The following EFR3B variants were observed in gnomAD, a reference collection of about 807,000 sequenced individuals.
EFR3B encodes the protein protein EFR3 homolog B.
In EFR3B, 64 loss-of-function variants were observed where a neutral mutation model predicts 104.7. The ratio of observed to expected loss-of-function variants is 0.61; its 90% CI spans 0.50 to 0.75. The LOEUF is 0.75. Among genes scored for constraint, EFR3B ranks in the 30% least tolerant of loss-of-function variants. The pLI is 0.00. For missense variants in EFR3B, 750 were observed against 1,078.5 expected, an observed-to-expected ratio of 0.70 and a Z score of 4.27; for synonymous variants, 385 against 417.9, an observed-to-expected ratio of 0.92 and a Z score of 0.96.
intron 1 of EFR3B, among the ~76,000 whole-genome samples, chr2:25,053,609 A>C (rs1667941174): frequency 6.6e-6 from 1 of 152,158 alleles, no homozygotes; most frequent in Non-Finnish European, 1.5e-5. Context: ...GGTGTGAATT[A>C]AAACTCGTTC....
At chr2:25,122,064 T>A (rs898793757) in intron 5 of EFR3B, among the ~76,000 whole-genome samples, 1 of 151,996 alleles carries the variant, frequency 6.6e-6, no homozygotes, top group Non-Finnish European at 1.5e-5. Context: ...CCTCCCAGGT[T>A]CAAGTGATTC....
chr2:25,051,357 C>T (rs546955918), intron 1 of EFR3B, among the ~76,000 whole-genome samples: 5 of 151,790 alleles, frequency 3.3e-5, no homozygotes, highest in Non-Finnish European at 7.4e-5. Flanking sequence ...TCAGGTCATC[C>T]ACCTGCCTCA....
At chr2:25,150,209 A>G (rs1261405045) in intron 20 of EFR3B, among the ~76,000 whole-genome samples, 1 of 150,898 alleles carries the variant, frequency 6.6e-6, no homozygotes, top group East Asian at 2.0e-4. Context: ...CTGAGGCAGG[A>G]GAATTGCTTG....
At chr2:25,083,078 ACTGATTTGCCT>A (rs1668854680) in intron 1 of EFR3B, among the ~76,000 whole-genome samples, 1 of 152,204 alleles carries the variant, frequency 6.6e-6, no homozygotes, top group Non-Finnish European at 1.5e-5. Flanking sequence ...GTTTATTCCT[ACTGATTTGCCT>A]TTTCAGTGGC....
At chr2:25,101,534 A>G (rs1669431544) in intron 3 of EFR3B, among the ~76,000 whole-genome samples, 1 of 152,100 alleles carries the variant, frequency 6.6e-6, no homozygotes, top group African/African-American at 2.4e-5. Flanking sequence ...TTTATCATAA[A>G]GAAGGGGTCT....
intron 1 of EFR3B, among the ~76,000 whole-genome samples, chr2:25,079,066 T>C (rs992361700): frequency 6.6e-6 from 1 of 152,116 alleles, no homozygotes; most frequent in Non-Finnish European, 1.5e-5. Context: ...CCCCCTACAG[T>C]GGAGGAAGGA....
chr2:25,075,414 A>G (rs1027175925), intron 1 of EFR3B, among the ~76,000 whole-genome samples: 2 of 152,174 alleles, frequency 1.3e-5, no homozygotes, highest in South Asian at 2.1e-4. Context: ...GGCACTCAGG[A>G]CATGTCTATT....
chr2:25,133,221 C>T (rs1670428057), intron 11 of EFR3B, among the ~76,000 whole-genome samples, 162 bp from the exon 12 acceptor site: 1 of 152,210 alleles, frequency 6.6e-6, no homozygotes, highest in East Asian at 1.9e-4. Context: ...TGGGGGGAGC[C>T]AGTCATCTCT....
At chr2:25,110,332 T>C (rs959149148) in intron 4 of EFR3B, among the ~76,000 whole-genome samples, 1 of 152,304 alleles carries the variant, frequency 6.6e-6, no homozygotes, top group African/African-American at 2.4e-5. Flanking sequence ...TCTACACATA[T>C]GTGCGTTAGG....
At chr2:25,145,271 A>C in intron 19 of EFR3B, 2 of 559,292 alleles carry the variant, frequency 3.6e-6, no homozygotes, top group South Asian at 2.6e-5. Context: ...ATATCATAAA[A>C]CTCACTCTTG....
chr2:25,060,808 C>G (rs906062474), intron 1 of EFR3B, among the ~76,000 whole-genome samples: 6 of 151,846 alleles, frequency 4.0e-5, no homozygotes, highest in African/African-American at 1.5e-4. Context: ...GTAGTCCCAG[C>G]TACTTGGGAG....
chr2:25,125,371 C>A (rs954181942), intron 5 of EFR3B, among the ~76,000 whole-genome samples: 3 of 152,188 alleles, frequency 2.0e-5, no homozygotes, highest in Admixed American at 2.0e-4. Flanking sequence ...ATGTGTGTCA[C>A]TTGTCCCTTG....
rs550941642 is a variant in EFR3B at position 25,145,057 on chromosome 2, T to C, written c.2142+6T>C. 3 of 1,549,170 alleles carry C rather than the reference T, an allele frequency of 1.9e-6. No individual in the cohort carries two copies. Among genetic ancestry groups the C allele is most frequent in the Non-Finnish European group, 2.6e-6 (3 of 1,144,746 alleles). ...ACAGTCCGGAGAAGGAGGAGGTGAG[T>C]GTCCGTGCCACCGTCCTGGGGCAGC... On this transcript the variant is annotated splice_donor_region_variant and intron_variant, in intron 19 of 22. Coordinates refer to ENST00000403714, the MANE Select transcript of EFR3B (RefSeq NM_014971.2).
intron 3 of EFR3B, among the ~76,000 whole-genome samples, chr2:25,095,813 A>G (rs1484525343): frequency 2.0e-5 from 3 of 152,192 alleles, no homozygotes; most frequent in African/African-American, 2.4e-5. Flanking sequence ...CGTTTTTCCT[A>G]AATATTTTTT....
intron 11 of EFR3B, 27 bp downstream of exon 11, chr2:25,133,041 G>T (rs751563495): frequency 1.8e-4 from 270 of 1,537,616 alleles, no homozygotes; most frequent in Non-Finnish European, 2.3e-4. Flanking sequence ...CCCCAGCCTG[G>T]AGTCCTCCTC....
At position 25,102,760 on chromosome 2, in the gene EFR3B, G is replaced by A. The variant is rs534034172; in HGVS notation, c.213-877G>A. Reference sequence around the variant, plus strand: ...TGGATGTTGTGTATTCCTAGTTTCCGAAGTTGTTCACTCAGGCTTTAGACT... The same window carrying A: ...TGGATGTTGTGTATTCCTAGTTTCCAAAGTTGTTCACTCAGGCTTTAGACT... On this transcript the variant is annotated intron_variant, in intron 3 of 22. Transcript: ENST00000403714. 2.5e-3 allele frequency among the ~76,000 whole-genome samples: 381 copies of A among 152,132 alleles called. 2 individuals carry two copies. The highest frequency in any genetic ancestry group is 8.7e-3 in the African/African-American group (362 of 41,480).
intron 1 of EFR3B, among the ~76,000 whole-genome samples, chr2:25,084,873 A>G (rs1474227220): frequency 1.3e-5 from 2 of 152,202 alleles, no homozygotes; most frequent in Non-Finnish European, 2.9e-5. Flanking sequence ...CAGTGAGCAG[A>G]GAGGGGACTT....
At position 25,155,664 on chromosome 2, in the gene EFR3B, T is replaced by G. The variant is rs987321442; in HGVS notation, c.*1324T>G. ...GGGGTGCCACTGACAGAACCTCACC[T>G]GGGGCTCCTCCCATGGCAGTGCCAT... On this transcript the variant is annotated 3_prime_UTR_variant, in exon 23 of 23. Coordinates refer to ENST00000403714, the MANE Select transcript of EFR3B (RefSeq NM_014971.2). 2.0e-5 allele frequency: 3 copies of G among 152,180 alleles called. No homozygotes were observed. Among genetic ancestry groups the G allele is most frequent in the Admixed American group, 2.0e-4 (3 of 15,272 alleles). The allele number at this position is 152,180 out of a possible 1,614,324, so 9.4% of individuals were successfully genotyped here. A position where few individuals can be genotyped will look rare whatever the true frequency, so the allele number is the denominator to read the frequency against.
intron 4 of EFR3B, among the ~76,000 whole-genome samples, chr2:25,120,645 A>G (rs547963256): frequency 9.9e-4 from 150 of 151,662 alleles, no homozygotes; most frequent in African/African-American, 3.6e-3. Flanking sequence ...TCCGTCTCAA[A>G]AACAACAACA....
Sources: gnomAD v4.1 joint callset for allele counts (sites outside exome capture counted in the v4.1 genomes callset) on GRCh38, gnomAD v4.1.1 for gene constraint, MANE v1.5 for transcripts, NCBI Gene and HGNC (gene_info 2026-07-23, HGNC 2026-07-21) for gene names.